LRP1B: variants seen among roughly 807,000 people sequenced by gnomAD.
LRP1B encodes the protein low-density lipoprotein receptor-related protein 1B.
A neutral mutation model predicts 556.6 loss-of-function variants in LRP1B; 217 were observed. That is an observed-to-expected ratio of 0.39 (90% CI 0.35 to 0.44). The LOEUF (loss-of-function observed/expected upper bound fraction) is 0.44, where lower values mean the gene tolerates loss of function less well. Ranked by LOEUF, LRP1B falls within the 20% of genes least tolerant of loss-of-function variation. The probability of loss-of-function intolerance (pLI) is 1.00; values close to 1 mark genes in which losing one functional copy is unlikely to be tolerated. For synonymous variants in LRP1B, 2,047 were observed against 1,865.8 expected (o/e 1.10, Z -2.50); for missense variants, 5,053 against 5,620.8 (o/e 0.90, Z 3.23).
At chr2:141,742,753 A>G (rs1693757926) in intron 2 of LRP1B, among the ~76,000 whole-genome samples, 1 of 152,112 alleles carries the variant, frequency 6.6e-6, no homozygotes, top group Non-Finnish European at 1.5e-5. Context: ...CATGACATGG[A>G]ATATCTTCCC....
chr2:140,246,106 G>C (rs748366976), intron 87 of LRP1B, among the ~76,000 whole-genome samples: 5 of 151,348 alleles, frequency 3.3e-5, no homozygotes, highest in Non-Finnish European at 5.9e-5. Context: ...AGGAATGTCA[G>C]CAGAGATGGG....
At chr2:141,694,467 T>G (rs2105450971) in intron 2 of LRP1B, among the ~76,000 whole-genome samples, 1 of 152,130 alleles carries the variant, frequency 6.6e-6, no homozygotes, top group Non-Finnish European at 1.5e-5. Flanking sequence ...TACCAATAAT[T>G]TACTCATCCC....
At chr2:140,339,493 A>C (rs1485950511) in intron 77 of LRP1B, among the ~76,000 whole-genome samples, 1 of 151,622 alleles carries the variant, frequency 6.6e-6, no homozygotes, top group Non-Finnish European at 1.5e-5. Flanking sequence ...AGAATAGAAA[A>C]TTTGAGTTGT....
chr2:140,995,391 TATTTG>T (rs1369807602), intron 15 of LRP1B, among the ~76,000 whole-genome samples: 2 of 152,062 alleles, frequency 1.3e-5, no homozygotes, highest in Admixed American at 6.6e-5. Flanking sequence ...TTGCAAGATG[TATTTG>T]ATTTGACTTT....
At chr2:141,668,595 T>C (rs578026705) in intron 2 of LRP1B, among the ~76,000 whole-genome samples, 2 of 152,292 alleles carry the variant, frequency 1.3e-5, no homozygotes, top group East Asian at 1.9e-4. Flanking sequence ...GAAGATCATC[T>C]TCCCACTCTA....
intron 1 of LRP1B, among the ~76,000 whole-genome samples, chr2:141,846,622 T>C (rs920135649): frequency 2.0e-5 from 3 of 151,450 alleles, no homozygotes; most frequent in African/African-American, 7.3e-5. Context: ...TAATATTAAG[T>C]AATCCAATAG....
intron 86 of LRP1B, among the ~76,000 whole-genome samples, chr2:140,264,396 C>T (rs1173969996): frequency 6.6e-6 from 1 of 151,956 alleles, no homozygotes; most frequent in African/African-American, 2.4e-5. Flanking sequence ...ACCTGGCTAA[C>T]TTTTGTATTT....
At chr2:141,982,250 C>T (rs1702064620) in intron 1 of LRP1B, among the ~76,000 whole-genome samples, 1 of 152,084 alleles carries the variant, frequency 6.6e-6, no homozygotes, top group South Asian at 2.1e-4. Context: ...GATATCTAAA[C>T]CCATGGTCCA....
At chr2:140,953,740 C>T (rs959255953) in intron 18 of LRP1B, among the ~76,000 whole-genome samples, 19 of 152,098 alleles carry the variant, frequency 1.2e-4, no homozygotes, top group Admixed American at 1.1e-3. Context: ...TATTTCTCTG[C>T]TTAAAAAATG....
In LRP1B at chr2:141,063,265, T is replaced by C. The variant is rs531777491; in HGVS notation, c.1014-992A>G. Among the ~76,000 whole-genome samples the C allele has an allele frequency of 7.2e-5, 11 of 151,954 alleles. 1 individual carries two copies. In the South Asian group the frequency reaches 2.3e-3, roughly 31 times the overall value. ...TTTACAAACTTGGTGAATTAGTTTT[T>C]AGTTACTTTTCTCAACATACTTACA... On this transcript the variant is annotated intron_variant, in intron 7 of 90. Transcript: ENST00000389484.
intron 2 of LRP1B, among the ~76,000 whole-genome samples, chr2:141,578,024 G>T (rs967171090): frequency 3.3e-5 from 5 of 152,118 alleles, no homozygotes; most frequent in African/African-American, 1.2e-4. Context: ...ATTGAGTATA[G>T]TTACAATTTT....
At chr2:141,256,008 T>C (rs1342551686) in intron 3 of LRP1B, among the ~76,000 whole-genome samples, 2 of 151,848 alleles carry the variant, frequency 1.3e-5, no homozygotes, top group African/African-American at 4.8e-5. Flanking sequence ...CAAAATTCAT[T>C]AAAAAAATTA....
rs374341338 is a variant in LRP1B, at chr2:140,743,733, G to A, written c.5758+25480C>T. Among the ~76,000 whole-genome samples, 47 of 152,090 alleles carry A rather than the reference G, an allele frequency of 3.1e-4. 1 individual carries two copies. In the South Asian group the frequency reaches 8.7e-3, roughly 28 times the overall value. ...TCAGCACTTTGAAAGGCTGAGGCGG[G>A]TGGATCACAAAGTCAGGGGTTCGAG... On this transcript the variant is annotated intron_variant, in intron 35 of 90. Coordinates refer to ENST00000389484, the MANE Select transcript of LRP1B (RefSeq NM_018557.3).
intron 76 of LRP1B, among the ~76,000 whole-genome samples, chr2:140,352,692 A>C (rs1175036769): frequency 6.6e-6 from 1 of 152,062 alleles, no homozygotes; most frequent in Non-Finnish European, 1.5e-5. Flanking sequence ...GGCTTTTAAA[A>C]TTTTACCCCT....
intron 1 of LRP1B, among the ~76,000 whole-genome samples, chr2:141,883,920 A>G (rs1699032201): frequency 6.6e-6 from 1 of 152,228 alleles, no homozygotes; most frequent in Admixed American, 6.5e-5. Context: ...GATACTTTTT[A>G]TCTTATGTAT....
rs2105001140 is a variant in LRP1B at position 140,297,938 on chromosome 2, G to A, written c.12837C>T (p.Phe4279=). 6.2e-7 allele frequency: 1 copy of A among 1,613,398 alleles called. No homozygotes were observed. The highest frequency in any genetic ancestry group is 8.5e-7 in the Non-Finnish European group (1 of 1,179,446). Residue 4279 remains phenylalanine (F), a synonymous_variant, in exon 84 of 91, where the codon TTC becomes TTT. Coordinates refer to ENST00000389484, the MANE Select transcript of LRP1B (RefSeq NM_018557.3). Reference sequence around the variant, plus strand: ...CTGTCTTACCACAGTTTGGCCCAGTGAAACCCAGTGCACAGCTGCAGGTGG... The same window carrying A: ...CTGTCTTACCACAGTTTGGCCCAGTAAAACCCAGTGCACAGCTGCAGGTGG... ...GRPTCSCALG[F]TGPNCGKTVC... is the part of the protein sequence containing the mutation.
chr2:142,122,137 T>C lies in LRP1B; in HGVS notation c.82+8511A>G, dbSNP rs1019923774. ...GGAGCAATTTTCTGTAAAACTCTGG[T>C]GGTGTTTTCATAGACACCCAGATGA... On this transcript the variant is annotated intron_variant, in intron 1 of 90. Coordinates refer to ENST00000389484, the MANE Select transcript of LRP1B (RefSeq NM_018557.3). Among the ~76,000 whole-genome samples the C allele has an allele frequency of 1.5e-4, 23 of 152,100 alleles. 1 individual carries two copies. Among genetic ancestry groups the C allele is most frequent in the Non-Finnish European group, 8.8e-5 (6 of 67,966 alleles).
intron 55 of LRP1B, among the ~76,000 whole-genome samples, chr2:140,499,502 T>C (rs1046246908): frequency 2.0e-5 from 3 of 151,740 alleles, no homozygotes; most frequent in African/African-American, 7.2e-5. Context: ...TTCTGAGAAA[T>C]ACTCTGTTAG....
chr2:140,868,187 T>C lies in LRP1B; in HGVS notation c.4246A>G (p.Thr1416Ala), dbSNP rs1286520661. 4 of 1,611,078 alleles carry C rather than the reference T, an allele frequency of 2.5e-6. No homozygotes were observed. Among genetic ancestry groups the C allele is most frequent in the Non-Finnish European group, 8.5e-7 (1 of 1,178,672 alleles). Reference protein sequence around the residue: ...SASMSGAGRKTIYKDMKTGAW... With the variant: ...SASMSGAGRKAIYKDMKTGAW... ...CCAGTTTTCATGTCTTTATAGATGG[T>C]TTTTCTCCCAGCACCACTCATAGAG... The change falls in exon 26 of 91, where the codon ACC (threonine) becomes GCC (alanine). Residue 1416 changes from threonine to alanine, a missense_variant. Physicochemically the swap from Thr to Ala is moderately conservative, Grantham distance 58 (BLOSUM62 0). This residue lies in a region of LRP1B where 3,619 missense variants were observed against 3,931.9 expected (regional missense o/e 0.92). Coordinates refer to ENST00000389484, the MANE Select transcript of LRP1B (RefSeq NM_018557.3).
Sources: gnomAD v4.1 joint callset for allele counts (sites outside exome capture counted in the v4.1 genomes callset) on GRCh38, gnomAD v4.1.1 for gene constraint, gnomAD v4.1.1 regional missense constraint, MANE v1.5 for transcripts, NCBI Gene and HGNC (gene_info 2026-07-23, HGNC 2026-07-21) for gene names.